SIPA1L1: variants seen among roughly 807,000 people sequenced by gnomAD.
SIPA1L1 encodes the protein signal induced proliferation associated 1 like 1, also known as signal-induced proliferation-associated 1-like protein 1.
A neutral mutation model predicts 162.7 loss-of-function variants in SIPA1L1; 26 were observed. The observed-to-expected ratio is 0.16, with a 90% CI of 0.12 to 0.22. The LOEUF (loss-of-function observed/expected upper bound fraction) is 0.22, where lower values mean the gene tolerates loss of function less well. Among genes scored for constraint, SIPA1L1 ranks in the 10% least tolerant of loss-of-function variants. The pLI is 1.00. For synonymous variants in SIPA1L1, 829 were observed against 837.4 expected (o/e 0.99, Z 0.17); for missense variants, 1,874 against 2,241.0 (o/e 0.84, Z 3.31).
chr14:71,523,582 G>A (rs1045117523), intron 3 of SIPA1L1, among the ~76,000 whole-genome samples: 4 of 152,016 alleles, frequency 2.6e-5, no homozygotes, highest in African/African-American at 9.7e-5. Context: ...TGTTTGGACC[G>A]TGGTCCAATC....
intron 2 of SIPA1L1, among the ~76,000 whole-genome samples, chr14:71,397,318 ATTTC>A (rs2041283043): frequency 6.6e-6 from 1 of 152,004 alleles, no homozygotes; most frequent in Middle Eastern, 3.4e-3. Flanking sequence ...CCTTACATTC[ATTTC>A]TTTCTTTATT....
chr14:71,707,820 T>C lies in SIPA1L1; in HGVS notation c.3766-1402T>C, dbSNP rs555186934. On this transcript the variant is annotated intron_variant, in intron 16 of 23. Transcript: ENST00000381232. ...TTTATTTCTCTTGGGTATATATATA[T>C]ACCAACGTAGAATTGCAGCTGTTTT... is the stretch of plus-strand genomic sequence containing the variant. Among the ~76,000 whole-genome samples, 8 of 152,224 alleles carry C rather than the reference T, an allele frequency of 5.3e-5. No individual in the cohort carries two copies. In the East Asian group the frequency reaches 9.6e-4, roughly 18 times the overall value.
chr14:71,689,909 G>A (rs1372669490), intron 13 of SIPA1L1, among the ~76,000 whole-genome samples: 1 of 152,150 alleles, frequency 6.6e-6, no homozygotes, highest in Non-Finnish European at 1.5e-5. Flanking sequence ...ACTTAAAAGA[G>A]TTCTCCTCTC....
At chr14:71,516,868 G>A (rs1419769215) in intron 3 of SIPA1L1, among the ~76,000 whole-genome samples, 1 of 152,146 alleles carries the variant, frequency 6.6e-6, no homozygotes, top group Non-Finnish European at 1.5e-5. Flanking sequence ...AGCTACTCAG[G>A]AGGCGGAGTC....
intron 2 of SIPA1L1, among the ~76,000 whole-genome samples, chr14:71,359,446 T>A (rs1177488077): frequency 6.6e-6 from 1 of 152,218 alleles, no homozygotes; most frequent in Non-Finnish European, 1.5e-5. Context: ...CCATATAATT[T>A]GTCTATTATG....
chr14:71,368,073 A>G (rs1402746434), intron 2 of SIPA1L1, among the ~76,000 whole-genome samples: 2 of 149,836 alleles, frequency 1.3e-5, no homozygotes, highest in African/African-American at 2.5e-5. Flanking sequence ...GTTAGAAAAT[A>G]TACTAGACCT....
At chr14:71,648,299 A>T (rs998283405) in intron 7 of SIPA1L1, among the ~76,000 whole-genome samples, 5 of 151,682 alleles carry the variant, frequency 3.3e-5, no homozygotes, top group African/African-American at 1.2e-4. Context: ...CCATCTCAAA[A>T]ATATATATAT....
At chr14:71,441,008 TTAAGA>T (rs1459317953) in intron 2 of SIPA1L1, among the ~76,000 whole-genome samples, 2 of 152,212 alleles carry the variant, frequency 1.3e-5, no homozygotes, top group Admixed American at 1.3e-4. Flanking sequence ...CTAAGGAAAG[TTAAGA>T]TTCAGTGTAA....
chr14:71,736,947 C>T (rs1174394396), intron 22 of SIPA1L1, among the ~76,000 whole-genome samples: 3 of 152,262 alleles, frequency 2.0e-5, no homozygotes, highest in Admixed American at 6.5e-5. Context: ...CCGGCCCCAG[C>T]CTCGTTGTGT....
intron 2 of SIPA1L1, among the ~76,000 whole-genome samples, chr14:71,442,322 C>T (rs893224580): frequency 4.0e-5 from 6 of 151,052 alleles, no homozygotes; most frequent in Non-Finnish European, 7.4e-5. Context: ...TAATGTATGT[C>T]TTTTCCAGCC....
intron 2 of SIPA1L1, among the ~76,000 whole-genome samples, chr14:71,390,311 C>T (rs1166486030): frequency 2.0e-5 from 3 of 152,168 alleles, no homozygotes; most frequent in African/African-American, 7.2e-5. Flanking sequence ...TCCCACAACC[C>T]AGCAGCAACT....
At chr14:71,392,834 A>G (rs934470582) in intron 2 of SIPA1L1, among the ~76,000 whole-genome samples, 3 of 152,112 alleles carry the variant, frequency 2.0e-5, no homozygotes, top group Admixed American at 1.3e-4. Context: ...GAAACTTTTT[A>G]TTTAGCTTAC....
rs79892671 is a variant in SIPA1L1 at position 71,501,579 on chromosome 14, G to A, written c.-464-11164G>A. Among the ~76,000 whole-genome samples, 842 of 152,280 alleles carry A rather than the reference G, an allele frequency of 5.5e-3. 35 individuals are homozygous for A. The East Asian group carries it at 0.074, about 13-fold the overall frequency. On this transcript the variant is annotated intron_variant, in intron 2 of 23. Transcript: ENST00000381232. ...ATGGTTGTTAGCACTGGAGGTTACT[G>A]AGGACTTATGAGGGTGGCTTCTGAG...
chr14:71,396,671 A>G (rs1181729348), intron 2 of SIPA1L1, among the ~76,000 whole-genome samples: 1 of 152,190 alleles, frequency 6.6e-6, no homozygotes, highest in African/African-American at 2.4e-5. Flanking sequence ...GCTCTTAAGC[A>G]TTAACCCTAA....
intron 3 of SIPA1L1, among the ~76,000 whole-genome samples, chr14:71,527,016 A>G (rs2052949449): frequency 1.3e-5 from 2 of 152,178 alleles, no homozygotes; most frequent in African/African-American, 4.8e-5. Context: ...GTGTTGTCAG[A>G]TTTTAAAATT....
At chr14:71,703,025 G>A (rs571091638) in intron 15 of SIPA1L1, among the ~76,000 whole-genome samples, 20 of 152,352 alleles carry the variant, frequency 1.3e-4, no homozygotes, top group Non-Finnish European at 2.8e-4. Context: ...ACAGCTGGGT[G>A]GAAGAGATTT....
chr14:71,513,939 C>T (rs145167255), intron 3 of SIPA1L1, among the ~76,000 whole-genome samples: 181 of 152,246 alleles, frequency 1.2e-3, no homozygotes, highest in Non-Finnish European at 2.2e-3. Flanking sequence ...GGGAGTCCTC[C>T]GCTGTTGCTC....
At chr14:71,657,535 T>A (rs1343628474) in intron 8 of SIPA1L1, among the ~76,000 whole-genome samples, 4 of 152,048 alleles carry the variant, frequency 2.6e-5, no homozygotes, top group Admixed American at 1.3e-4. Context: ...ATTCTGAAAC[T>A]TTGTTAAGAT....
intron 2 of SIPA1L1, among the ~76,000 whole-genome samples, chr14:71,455,086 A>G (rs932572134): frequency 6.6e-6 from 1 of 152,334 alleles, no homozygotes; most frequent in African/African-American, 2.4e-5. Context: ...ATAGAATGCC[A>G]TGCCTTTTTA....
Sources: allele counts gnomAD v4.1 joint callset (sites outside exome capture counted in the v4.1 genomes callset), GRCh38; gene constraint gnomAD v4.1.1; transcripts MANE v1.5; gene names NCBI Gene and HGNC (gene_info 2026-07-23, HGNC 2026-07-21).